The following UNC79 variants were observed in gnomAD, a reference collection of about 807,000 sequenced individuals.
The protein encoded by UNC79 is protein unc-79 homolog.
In UNC79, 37 loss-of-function variants were observed where a neutral mutation model predicts 283.1. The ratio of observed to expected loss-of-function variants is 0.13; its 90% CI spans 0.10 to 0.17. UNC79 has a LOEUF of 0.17. Among genes scored for constraint, UNC79 ranks in the 10% least tolerant of loss-of-function variants. The pLI is 1.00. For synonymous variants in UNC79, 1,107 were observed against 1,200.2 expected (o/e 0.92, Z 1.61); for missense variants, 2,272 against 3,211.1 (o/e 0.71, Z 7.07).
At chr14:93,627,703 G>A (rs2067676826) in intron 30 of UNC79, among the ~76,000 whole-genome samples, 1 of 152,188 alleles carries the variant, frequency 6.6e-6, no homozygotes, top group Non-Finnish European at 1.5e-5. Context: ...TTTAGTGGTA[G>A]AACTTTAAAG....
chr14:93,691,987 A>G (rs568295568), intron 46 of UNC79, 41 bp downstream of exon 49: 1 of 1,607,034 alleles, frequency 6.2e-7, no homozygotes, highest in Non-Finnish European at 8.5e-7. Context: ...ATGGAATCTC[A>G]AAGTGTCCAC....
chr14:93,370,616 C>T (rs1453292894), intron 1 of UNC79, among the ~76,000 whole-genome samples: 1 of 151,942 alleles, frequency 6.6e-6, no homozygotes, highest in Non-Finnish European at 1.5e-5. Context: ...ACTAAAAATA[C>T]AAAAAATTAG....
chr14:93,675,560 T>G (rs149698809), intron 41 of UNC79, among the ~76,000 whole-genome samples: 21 of 152,316 alleles, frequency 1.4e-4, no homozygotes, highest in Non-Finnish European at 2.4e-4. Flanking sequence ...CCTTGAAGGA[T>G]GCACAGAAGT....
At chr14:93,524,812 T>C (rs879563589) in intron 8 of UNC79, among the ~76,000 whole-genome samples, 4 of 152,216 alleles carry the variant, frequency 2.6e-5, no homozygotes, top group Non-Finnish European at 4.4e-5. Context: ...TTTTATATTA[T>C]GAGGAGTAGG....
At chr14:93,513,553 A>G (rs1041227159) in intron 7 of UNC79, among the ~76,000 whole-genome samples, 4 of 152,054 alleles carry the variant, frequency 2.6e-5, no homozygotes, top group African/African-American at 9.7e-5. Flanking sequence ...AAAGTATCCC[A>G]TACATTTTTG....
chr14:93,585,998 G>A (rs12436526), intron 20 of UNC79, among the ~76,000 whole-genome samples: 3 of 150,610 alleles, frequency 2.0e-5, no homozygotes, highest in South Asian at 2.1e-4. Flanking sequence ...TTCTCTTGCC[G>A]CAGCCCCCAA....
At chr14:93,632,609 G>A (rs559077930) in intron 31 of UNC79, among the ~76,000 whole-genome samples, 45 of 152,050 alleles carry the variant, frequency 3.0e-4, no homozygotes, top group Non-Finnish European at 5.7e-4. Context: ...CAAAGTGGGA[G>A]GATCGCTCAA....
chr14:93,493,899 A>ATTTTTT (rs1298223300), intron 5 of UNC79, among the ~76,000 whole-genome samples: 43 of 60,278 alleles, frequency 7.1e-4, no homozygotes, highest in South Asian at 1.6e-3. Context: ...ATATATATAT[A>ATTTTTT]TATTTTTTTT....
chr14:93,461,839 G>T (rs1308389256), intron 1 of UNC79, among the ~76,000 whole-genome samples: 2 of 152,114 alleles, frequency 1.3e-5, no homozygotes, highest in African/African-American at 2.4e-5. Flanking sequence ...AGTTTGCAAA[G>T]ACCTCCATAA....
chr14:93,510,610 A>C (rs1166152863), intron 7 of UNC79, among the ~76,000 whole-genome samples: 1 of 152,224 alleles, frequency 6.6e-6, no homozygotes, highest in Non-Finnish European at 1.5e-5. Flanking sequence ...CAGCGGCACA[A>C]TTCTGCCATT....
At position 93,690,485 on chromosome 14, in the gene UNC79, C is replaced by T. The variant is rs913064025; in HGVS notation, c.7272+182C>T. On this transcript the variant is annotated intron_variant, in intron 45 of 48. Coordinates refer to ENST00000555664, the Ensembl canonical transcript of UNC79. This position sits in a 1 kb window ranked among gnomAD's most constrained non-coding sequence, Gnocchi z 4.3. ...TTGTTTAGATTCCCAGACTGTCTTTCCCCCCGCCCCCAAATTGTTTTTCGG... is the reference window on the plus strand; with the variant it reads ...TTGTTTAGATTCCCAGACTGTCTTTTCCCCCGCCCCCAAATTGTTTTTCGG... 14 of 600,516 alleles carry T rather than the reference C, an allele frequency of 2.3e-5. No homozygotes were observed. The highest frequency in any genetic ancestry group is 2.0e-4 in the South Asian group (5 of 24,592). 37.2% of individuals were successfully genotyped at this position (600,516 alleles called of 1,614,324 possible).
intron 8 of UNC79, among the ~76,000 whole-genome samples, chr14:93,525,921 G>A (rs1330874314): frequency 6.6e-6 from 1 of 152,126 alleles, no homozygotes; most frequent in Non-Finnish European, 1.5e-5. Context: ...ATTCCACTGA[G>A]TTGGCCTCAC....
intron 48 of UNC79, among the ~76,000 whole-genome samples, chr14:93,705,571 T>C (rs2141106497): frequency 6.6e-6 from 1 of 152,342 alleles, no homozygotes; most frequent in Non-Finnish European, 1.5e-5. Context: ...AAGAGTGACT[T>C]GGTCAGGGCC....
At position 93,702,703 on chromosome 14, in the gene UNC79, G is replaced by C. The variant is rs576747040; in HGVS notation, c.7549-1922G>C. ...GTCTTTGGTTTTGTTCATTACATCA[G>C]TGTCCCCCAGTTTGCCCAGGTTAGA... On this transcript the variant is annotated intron_variant, in intron 47 of 48. Transcript: ENST00000555664. Among the ~76,000 whole-genome samples the C allele has an allele frequency of 1.8e-4, 28 of 152,272 alleles. No homozygotes were observed. In the South Asian group the frequency reaches 5.6e-3, roughly 30 times the overall value.
chr14:93,401,337 A>C (rs1052705616), intron 1 of UNC79, among the ~76,000 whole-genome samples: 15 of 152,218 alleles, frequency 9.9e-5, no homozygotes, highest in Admixed American at 2.0e-4. Flanking sequence ...GGCAGATACT[A>C]CTTGCCCAAG....
intron 1 of UNC79, among the ~76,000 whole-genome samples, chr14:93,367,378 T>C (rs1249951962): frequency 6.6e-6 from 1 of 152,134 alleles, no homozygotes; most frequent in Non-Finnish European, 1.5e-5. Flanking sequence ...AAGTGGATGG[T>C]AGCCAGCAGG....
chr14:93,405,921 A>G (rs1462218188), intron 1 of UNC79, among the ~76,000 whole-genome samples: 2 of 152,220 alleles, frequency 1.3e-5, no homozygotes, highest in Non-Finnish European at 2.9e-5. Context: ...AGTTTCATCT[A>G]CTAAGGTGAC....
chr14:93,582,124 C>T (rs1471359313), intron 19 of UNC79, 79 bp from the exon 20 acceptor site: 3 of 1,607,888 alleles, frequency 1.9e-6, no homozygotes, highest in Non-Finnish European at 2.5e-6. Flanking sequence ...GTGTGCAGTC[C>T]AGCTTTGCTG....
intron 38 of UNC79, among the ~76,000 whole-genome samples, chr14:93,656,514 C>T (rs1399984457): frequency 6.6e-6 from 1 of 151,220 alleles, no homozygotes; most frequent in Non-Finnish European, 1.5e-5. Context: ...ATTAGCTGGG[C>T]AAGGTGGCAT....
Sources: allele counts gnomAD v4.1 joint callset (sites outside exome capture counted in the v4.1 genomes callset), GRCh38; gene constraint gnomAD v4.1.1; non-coding constraint Gnocchi (gnomAD v3.1); transcripts MANE v1.5; gene names NCBI Gene and HGNC (gene_info 2026-07-23, HGNC 2026-07-21).